The following ATP6V0E1 variants were observed in gnomAD, a reference collection of about 807,000 sequenced individuals.
ATP6V0E1 encodes V-type proton ATPase subunit e 1.
A neutral mutation model predicts 11.6 loss-of-function variants in ATP6V0E1; 4 were observed. The observed-to-expected ratio is 0.35, with a 90% CI of 0.17 to 0.79. ATP6V0E1 has a LOEUF of 0.79. Among genes scored for constraint, ATP6V0E1 ranks in the 30% least tolerant of loss-of-function variants. The pLI is 0.54. For missense variants in ATP6V0E1, 105 were observed against 100.0 expected (o/e 1.05, Z -0.21); for synonymous variants, 36 against 34.8 (o/e 1.04, Z -0.13).
At chr5:173,021,336 C>T (rs528908013) in intron 3 of ATP6V0E1, among the ~76,000 whole-genome samples, 1 of 150,894 alleles carries the variant, frequency 6.6e-6, no homozygotes, top group Non-Finnish European at 1.5e-5. Flanking sequence ...AATGGACTCA[C>T]AGTTCCTCGT....
intron 2 of ATP6V0E1, among the ~76,000 whole-genome samples, chr5:173,001,313 A>C (rs1449938564): frequency 6.6e-6 from 1 of 152,078 alleles, no homozygotes; most frequent in East Asian, 1.9e-4. Flanking sequence ...ATTGCCCTTC[A>C]TTCACTTCCC....
chr5:173,007,575 T>G (rs1334848056), intron 2 of ATP6V0E1, among the ~76,000 whole-genome samples: 1 of 152,210 alleles, frequency 6.6e-6, no homozygotes, highest in African/African-American at 2.4e-5. Flanking sequence ...TATTTTTTTC[T>G]TTTGCGGATT....
At position 173,018,534 on chromosome 5, in the gene ATP6V0E1, G is replaced by A. The variant is rs115060796; in HGVS notation, c.153-1704G>A. 7.5e-3 allele frequency among the ~76,000 whole-genome samples: 1,147 copies of A among 152,224 alleles called. 10 individuals carry two copies. Among genetic ancestry groups the A allele is most frequent in the Non-Finnish European group, 0.012 (827 of 68,010 alleles). ...CAATGGTCAGCTGGATTTTGAGTAG[G>A]AACTAAAGGCAGTGTGTATTCTGCT... On this transcript the variant is annotated intron_variant, in intron 2 of 3. Coordinates refer to ENST00000519374, the MANE Select transcript of ATP6V0E1 (RefSeq NM_003945.4).
chr5:172,986,401 C>T (rs1479664468), intron 1 of ATP6V0E1, among the ~76,000 whole-genome samples: 4 of 152,070 alleles, frequency 2.6e-5, no homozygotes, highest in African/African-American at 4.8e-5. Flanking sequence ...TTTGGGAAGC[C>T]GGACAAGAGG....
intron 2 of ATP6V0E1, among the ~76,000 whole-genome samples, chr5:172,998,444 TA>T (rs780591493): frequency 5.9e-5 from 9 of 151,650 alleles, no homozygotes; most frequent in Non-Finnish European, 1.2e-4. Flanking sequence ...CCATCAATAC[TA>T]AAAAAAATTT....
chr5:173,005,361 A>G (rs995884330), intron 2 of ATP6V0E1, among the ~76,000 whole-genome samples: 15 of 152,032 alleles, frequency 9.9e-5, no homozygotes, highest in African/African-American at 2.9e-4. Flanking sequence ...GAGATCTCAC[A>G]TGTCTCTTGG....
chr5:173,006,061 C>G (rs952731810), intron 2 of ATP6V0E1, among the ~76,000 whole-genome samples: 3 of 152,094 alleles, frequency 2.0e-5, no homozygotes, highest in African/African-American at 7.2e-5. Flanking sequence ...AATCTATATT[C>G]TGAAGTTGTT....
chr5:173,020,982 C>T lies in ATP6V0E1; in HGVS notation c.*36+615C>T, dbSNP rs549863048. ...TTGGATGGAGAAAGGTGCCTGCGTC[C>T]GTTTGTTTTGTGTTGCTATAAAGGA... On this transcript the variant is annotated intron_variant, in intron 3 of 3. Coordinates refer to ENST00000519374, the MANE Select transcript of ATP6V0E1 (RefSeq NM_003945.4). 81 of 513,048 alleles carry T rather than the reference C, an allele frequency of 1.6e-4. 1 individual carries two copies. The highest frequency in any genetic ancestry group is 2.2e-4 in the East Asian group (4 of 18,232). The allele number at this position is 513,048 out of a possible 1,614,324, so 31.8% of individuals were successfully genotyped here.
At chr5:172,990,814 G>A (rs1254787059) in intron 1 of ATP6V0E1, among the ~76,000 whole-genome samples, 7 of 149,814 alleles carry the variant, frequency 4.7e-5, no homozygotes, top group African/African-American at 9.9e-5. Context: ...ACGACAGAGC[G>A]ATACTCTGTC....
At chr5:173,022,288 A>G (rs886866042) in intron 3 of ATP6V0E1, among the ~76,000 whole-genome samples, 7 of 152,286 alleles carry the variant, frequency 4.6e-5, no homozygotes, top group African/African-American at 1.7e-4. Flanking sequence ...GAGAAACAGG[A>G]TGTCTGGCTC....
intron 3 of ATP6V0E1, among the ~76,000 whole-genome samples, chr5:173,022,220 G>C (rs1756497211): frequency 6.6e-6 from 1 of 152,130 alleles, no homozygotes; most frequent in Admixed American, 6.5e-5. Context: ...ACTAGATTTA[G>C]GTTCAAGTTT....
At chr5:173,008,444 G>A (rs1375913170) in intron 2 of ATP6V0E1, among the ~76,000 whole-genome samples, 1 of 150,572 alleles carries the variant, frequency 6.6e-6, no homozygotes, top group African/African-American at 2.4e-5. Context: ...GGGACTACAG[G>A]TGCGTGCCAC....
intron 1 of ATP6V0E1, 69 bp downstream of exon 1, chr5:172,984,033 C>T: frequency 1.4e-6 from 2 of 1,441,148 alleles, no homozygotes; most frequent in Non-Finnish European, 2.0e-6. Context: ...CGGGGAAAGG[C>T]ACGACCCCCA....
At chr5:172,997,965 C>T (rs1293791683) in intron 2 of ATP6V0E1, among the ~76,000 whole-genome samples, 1 of 151,898 alleles carries the variant, frequency 6.6e-6, no homozygotes, top group Non-Finnish European at 1.5e-5. Context: ...AAAAATTATC[C>T]GATTGTGGTG....
rs1756714014 is a variant in ATP6V0E1, at chr5:173,034,770, A to C, written c.*408A>C. 1.5e-5 allele frequency: 4 copies of C among 274,630 alleles called. No homozygotes were observed. Among genetic ancestry groups the C allele is most frequent in the Admixed American group, 9.6e-5 (2 of 20,808 alleles). 17.0% of individuals were successfully genotyped at this position (274,630 alleles called of 1,614,324 possible). ...CAAACAAGACTCCAGTGGGGTGGTCAGTAGGAGAGCACGTTCAGAGGGAAG... is the reference window on the plus strand; with the variant it reads ...CAAACAAGACTCCAGTGGGGTGGTCCGTAGGAGAGCACGTTCAGAGGGAAG... On this transcript the variant is annotated 3_prime_UTR_variant, in exon 4 of 4. Coordinates refer to ENST00000519374, the MANE Select transcript of ATP6V0E1 (RefSeq NM_003945.4).
intron 3 of ATP6V0E1, among the ~76,000 whole-genome samples, chr5:173,025,945 G>A (rs1339539586): frequency 1.3e-5 from 2 of 152,058 alleles, no homozygotes; most frequent in Non-Finnish European, 2.9e-5. Context: ...GATCTCTTGA[G>A]CCCAGAGTTT....
intron 2 of ATP6V0E1, among the ~76,000 whole-genome samples, chr5:173,003,377 T>C (rs749299904): frequency 4.6e-5 from 7 of 152,154 alleles, no homozygotes; most frequent in Non-Finnish European, 8.8e-5. Flanking sequence ...GTTAATTCAT[T>C]GCTACACATC....
chr5:172,991,346 C>T (rs1192618560), intron 1 of ATP6V0E1, among the ~76,000 whole-genome samples: 4 of 152,072 alleles, frequency 2.6e-5, no homozygotes, highest in Non-Finnish European at 5.9e-5. Context: ...GGAGCTGATA[C>T]GTTAATGAGG....
chr5:173,032,265 A>G (rs1234767670), intron 3 of ATP6V0E1, among the ~76,000 whole-genome samples: 1 of 138,948 alleles, frequency 7.2e-6, no homozygotes, highest in African/African-American at 2.8e-5. Flanking sequence ...TTATTTATTT[A>G]TTTATTTATT....
Sources: gnomAD v4.1 joint callset for allele counts (sites outside exome capture counted in the v4.1 genomes callset) on GRCh38, gnomAD v4.1.1 for gene constraint, MANE v1.5 for transcripts, NCBI Gene and HGNC (gene_info 2026-07-23, HGNC 2026-07-21) for gene names.